Variants in REDIC1 observed in about 807,000 individuals in gnomAD.
REDIC1 encodes regulator of DNA class I crossover intermediates 1.
chr12:39,867,389 T>A, the REDIC1 span, among the ~76,000 whole-genome samples: 1 of 152,138 alleles, frequency 6.6e-6, no homozygotes, highest in Non-Finnish European at 1.5e-5. Context: ...ATATAAAGAT[T>A]CAAATAAATA....
the REDIC1 span, among the ~76,000 whole-genome samples, chr12:39,772,588 A>G: frequency 6.6e-6 from 1 of 152,192 alleles, no homozygotes; most frequent in South Asian, 2.1e-4. Context: ...TGAAGATTTA[A>G]GAAAATAGGA....
the REDIC1 span, among the ~76,000 whole-genome samples, chr12:39,749,449 T>G: frequency 2.0e-5 from 3 of 151,280 alleles, no homozygotes; most frequent in African/African-American, 4.8e-5. Flanking sequence ...ACCAAAAAAA[T>G]TCCAGGACCA....
At chr12:39,789,931 C>A in the REDIC1 span, among the ~76,000 whole-genome samples, 2 of 151,980 alleles carry the variant, frequency 1.3e-5, no homozygotes, top group African/African-American at 4.8e-5. Context: ...TATTATAAAT[C>A]AGGATATCTT....
chr12:39,682,737 G>GA, the REDIC1 span: 2 of 1,613,356 alleles, frequency 1.2e-6, no homozygotes, highest in Non-Finnish European at 1.7e-6. Flanking sequence ...ATATTTGGGG[G>GA]AAAAATGGAA....
At chr12:39,720,254 CTTAAG>C in the REDIC1 span, among the ~76,000 whole-genome samples, 3 of 151,790 alleles carry the variant, frequency 2.0e-5, no homozygotes, top group Admixed American at 1.3e-4. Context: ...TGATGCTCTT[CTTAAG>C]TTATGTTATC....
At chr12:39,802,933 A>G in the REDIC1 span, among the ~76,000 whole-genome samples, 1 of 152,200 alleles carries the variant, frequency 6.6e-6, no homozygotes, top group East Asian at 1.9e-4. Flanking sequence ...GCCCTCTGGG[A>G]AGGGCAACTC....
At chr12:39,858,896 G>A in the REDIC1 span, among the ~76,000 whole-genome samples, 5 of 152,102 alleles carry the variant, frequency 3.3e-5, no homozygotes, top group African/African-American at 9.7e-5. Context: ...GTGACGCACC[G>A]TGCCCGACCG....
chr12:39,901,922 G>A, the REDIC1 span, among the ~76,000 whole-genome samples: 1 of 151,940 alleles, frequency 6.6e-6, no homozygotes, highest in African/African-American at 2.4e-5. Flanking sequence ...ATTCCCAATA[G>A]CAAAGACTTG....
the REDIC1 span, among the ~76,000 whole-genome samples, chr12:39,804,817 G>A: frequency 1.4e-4 from 21 of 152,126 alleles, no homozygotes; most frequent in Admixed American, 1.4e-3. Context: ...AAATATAGAT[G>A]GAGAATTATA....
chr12:39,896,089 T>TAC, the REDIC1 span, among the ~76,000 whole-genome samples: 1 of 146,002 alleles, frequency 6.8e-6, no homozygotes, highest in African/African-American at 2.6e-5. Flanking sequence ...TGTACATATA[T>TAC]GTATACACGT....
the REDIC1 span, among the ~76,000 whole-genome samples, chr12:39,736,361 T>C: frequency 6.6e-6 from 1 of 152,248 alleles, no homozygotes; most frequent in Non-Finnish European, 1.5e-5. Flanking sequence ...GACATATAAC[T>C]TGTCTCTTTC....
chr12:39,868,386 G>C, the REDIC1 span, among the ~76,000 whole-genome samples: 1 of 152,106 alleles, frequency 6.6e-6, no homozygotes, highest in Non-Finnish European at 1.5e-5. Flanking sequence ...TGGCTTATTA[G>C]TAAATACTCA....
chr12:39,668,523 G>A, the REDIC1 span, among the ~76,000 whole-genome samples: 1 of 152,178 alleles, frequency 6.6e-6, no homozygotes, highest in East Asian at 1.9e-4. Flanking sequence ...TTCAACTTTG[G>A]TGAATCTGAC....
chr12:39,684,890 T>G, the REDIC1 span: 1 of 1,612,490 alleles, frequency 6.2e-7, no homozygotes, highest in Non-Finnish European at 8.5e-7. Context: ...TCGGAAGAAT[T>G]GCACTCTAAG....
chr12:39,860,347 T>C, the REDIC1 span, among the ~76,000 whole-genome samples: 5 of 152,356 alleles, frequency 3.3e-5, no homozygotes, highest in East Asian at 5.8e-4. Context: ...ACTGCCCAAT[T>C]GATTAGTAAA....
the REDIC1 span, among the ~76,000 whole-genome samples, chr12:39,848,987 C>T: frequency 1.3e-5 from 2 of 151,872 alleles, no homozygotes; most frequent in Admixed American, 6.6e-5. Flanking sequence ...CTTATGAACA[C>T]AAAGAAGGAA....
At chr12:39,796,648 C>T in the REDIC1 span, among the ~76,000 whole-genome samples, 1 of 152,046 alleles carries the variant, frequency 6.6e-6, no homozygotes, top group Admixed American at 6.6e-5. Context: ...AAACCCAGGC[C>T]TTAGATAATC....
chr12:39,871,919 A>G, the REDIC1 span: 2 of 1,610,624 alleles, frequency 1.2e-6, no homozygotes, highest in East Asian at 2.2e-5. Flanking sequence ...CAAGTCTATC[A>G]TCTTCAACAC....
chr12:39,861,282 A>G, the REDIC1 span, among the ~76,000 whole-genome samples: 1 of 152,234 alleles, frequency 6.6e-6, no homozygotes, highest in Non-Finnish European at 1.5e-5. Context: ...TTATGTGCCA[A>G]GCACTGTTTA....
Sources: allele counts gnomAD v4.1 joint callset (sites outside exome capture counted in the v4.1 genomes callset), GRCh38; gene constraint gnomAD v4.1.1; transcripts MANE v1.5; gene names NCBI Gene and HGNC (gene_info 2026-07-23, HGNC 2026-07-21).